The following RANBP2 variants were observed in gnomAD, a reference collection of about 807,000 sequenced individuals.
The protein encoded by RANBP2 is E3 SUMO-protein ligase RanBP2.
A neutral mutation model predicts 303.6 loss-of-function variants in RANBP2; 57 were observed. The ratio of observed to expected loss-of-function variants is 0.19; its 90% CI spans 0.15 to 0.23. The LOEUF is 0.23. RANBP2 is among the 10% of genes least tolerant of loss of function. The probability of loss-of-function intolerance (pLI) is 1.00; values close to 1 mark genes in which losing one functional copy is unlikely to be tolerated. For synonymous variants in RANBP2, 1,167 were observed against 1,301.5 expected (o/e 0.90, Z 2.23); for missense variants, 3,138 against 3,780.8 (o/e 0.83, Z 4.46).
At chr2:109,129,412 C>T in the RANBP2 span, 3 of 1,444,578 alleles carry the variant, frequency 2.1e-6, no homozygotes, top group African/African-American at 2.9e-5. Context: ...AGCATCGGGC[C>T]ACCAGCCGGG....
At chr2:109,007,217 A>G in the RANBP2 span, among the ~76,000 whole-genome samples, 1 of 152,238 alleles carries the variant, frequency 6.6e-6, no homozygotes, top group African/African-American at 2.4e-5. Context: ...TTTTAAGTTA[A>G]AGGGGTTATG....
At chr2:109,256,151 C>T in the RANBP2 span, among the ~76,000 whole-genome samples, 1 of 152,146 alleles carries the variant, frequency 6.6e-6, no homozygotes, top group Non-Finnish European at 1.5e-5. Flanking sequence ...CCGCTGTGAC[C>T]CAGCACCTGG....
the RANBP2 span, among the ~76,000 whole-genome samples, chr2:108,849,833 A>C: frequency 1.3e-5 from 2 of 152,236 alleles, no homozygotes; most frequent in Admixed American, 1.3e-4. Flanking sequence ...GCCAAGGTAC[A>C]TGCTGCTGCC....
At chr2:109,472,750 T>C in the RANBP2 span, among the ~76,000 whole-genome samples, 1 of 152,160 alleles carries the variant, frequency 6.6e-6, no homozygotes, top group Non-Finnish European at 1.5e-5. Context: ...TTCCATTTGA[T>C]CTAATAATTT....
At chr2:109,004,930 T>C in the RANBP2 span, among the ~76,000 whole-genome samples, 3 of 152,308 alleles carry the variant, frequency 2.0e-5, no homozygotes, top group African/African-American at 2.4e-5. Flanking sequence ...AGAGTCTCTA[T>C]TGTCCACGCT....
chr2:109,249,534 TC>T, the RANBP2 span, among the ~76,000 whole-genome samples: 2,162 of 108,320 alleles, frequency 0.02, 41 homozygotes, highest in South Asian at 0.028. Flanking sequence ...TTTCTTTCTT[TC>T]CTTCCTTCCT....
At chr2:109,315,347 A>G in the RANBP2 span, among the ~76,000 whole-genome samples, 1 of 152,208 alleles carries the variant, frequency 6.6e-6, no homozygotes, top group African/African-American at 2.4e-5. Flanking sequence ...AGCCAGGTAA[A>G]GTGCTTTGTT....
chr2:109,429,301 C>T, the RANBP2 span, among the ~76,000 whole-genome samples: 8 of 152,072 alleles, frequency 5.3e-5, no homozygotes, highest in East Asian at 1.2e-3. Flanking sequence ...GTGTCCCCTA[C>T]GAGGCACCCA....
the RANBP2 span, chr2:108,929,356 G>A: frequency 1.1e-5 from 17 of 1,613,994 alleles, no homozygotes; most frequent in South Asian, 3.3e-5. Flanking sequence ...CGTAGTCCTC[G>A]TCTTTGGTGC....
the RANBP2 span, among the ~76,000 whole-genome samples, chr2:109,049,696 C>G: frequency 2.0e-5 from 3 of 152,172 alleles, no homozygotes; most frequent in Non-Finnish European, 2.9e-5. Flanking sequence ...CTTTCATTAT[C>G]CAGGCCCTCA....
chr2:109,400,575 G>GCACACACA, the RANBP2 span, among the ~76,000 whole-genome samples: 84 of 147,090 alleles, frequency 5.7e-4, 1 homozygote, highest in Admixed American at 1.0e-3. Context: ...ACACCTGTGC[G>GCACACACA]CACACACACA....
the RANBP2 span, among the ~76,000 whole-genome samples, chr2:109,179,003 A>ATGTGTGTGTGTGTGTGTG: frequency 4.1e-3 from 583 of 142,138 alleles, 3 homozygotes; most frequent in Middle Eastern, 0.011. Flanking sequence ...AAGTATAATA[A>ATGTGTGTGTGTGTGTGTG]TGTGTGTGTG....
chr2:109,726,150 T>C, the RANBP2 span, among the ~76,000 whole-genome samples: 2 of 150,902 alleles, frequency 1.3e-5, no homozygotes, highest in Non-Finnish European at 3.0e-5. Context: ...GGCTCATGCC[T>C]GTAATCCCAG....
At chr2:109,447,980 G>A in the RANBP2 span, among the ~76,000 whole-genome samples, 3 of 152,266 alleles carry the variant, frequency 2.0e-5, no homozygotes, top group East Asian at 1.9e-4. Flanking sequence ...GGTGGTGGGC[G>A]GCTTCTCCTC....
chr2:109,005,850 T>C, the RANBP2 span, among the ~76,000 whole-genome samples: 1 of 152,230 alleles, frequency 6.6e-6, no homozygotes, highest in African/African-American at 2.4e-5. Flanking sequence ...TTTCAACAGC[T>C]GACGTCGTTC....
At chr2:108,966,231 G>GC in the RANBP2 span, among the ~76,000 whole-genome samples, 1 of 152,186 alleles carries the variant, frequency 6.6e-6, no homozygotes, top group African/African-American at 2.4e-5. Flanking sequence ...TGTCTGCCTT[G>GC]CATGTTGTTG....
At chr2:109,101,308 C>T in the RANBP2 span, among the ~76,000 whole-genome samples, 2 of 152,080 alleles carry the variant, frequency 1.3e-5, no homozygotes, top group Non-Finnish European at 2.9e-5. Flanking sequence ...AGGCAGATCA[C>T]GAGGTAAGGA....
the RANBP2 span, among the ~76,000 whole-genome samples, chr2:109,498,131 A>G: frequency 3.0e-4 from 46 of 152,144 alleles, no homozygotes; most frequent in African/African-American, 1.1e-3. Context: ...GGGAGGAAGG[A>G]GGTGCCTCCG....
At chr2:109,172,620 A>G in the RANBP2 span, among the ~76,000 whole-genome samples, 1 of 152,212 alleles carries the variant, frequency 6.6e-6, no homozygotes, top group Non-Finnish European at 1.5e-5. Flanking sequence ...AATCAGCAGC[A>G]TCACCTCTCC....
Sources: gnomAD v4.1 joint callset for allele counts (sites outside exome capture counted in the v4.1 genomes callset) on GRCh38, gnomAD v4.1.1 for gene constraint, MANE v1.5 for transcripts, NCBI Gene and HGNC (gene_info 2026-07-23, HGNC 2026-07-21) for gene names.